Variants in FRMD6 observed in about 807,000 individuals in gnomAD.
FRMD6 encodes FERM domain containing 6, also known as FERM domain-containing protein 6.
In FRMD6, 37 loss-of-function variants were observed where a neutral mutation model predicts 73.2. The observed-to-expected ratio is 0.51, with a 90% CI of 0.39 to 0.66. The LOEUF (loss-of-function observed/expected upper bound fraction) is 0.66, where lower values mean the gene tolerates loss of function less well. Ranked by LOEUF, FRMD6 falls within the 30% of genes least tolerant of loss-of-function variation. FRMD6 has a pLI of 0.00. For synonymous variants in FRMD6, 273 were observed against 282.2 expected, an observed-to-expected ratio of 0.97 and a Z score of 0.33; for missense variants, 714 against 780.5, an observed-to-expected ratio of 0.91 and a Z score of 1.02.
chr14:51,538,577 G>C (rs1201892957), intron 1 of FRMD6, among the ~76,000 whole-genome samples: 1 of 151,972 alleles, frequency 6.6e-6, no homozygotes, highest in East Asian at 1.9e-4. Context: ...CTTTGTATTT[G>C]GTGTGAGATA....
chr14:51,701,219 C>A, intron 4 of FRMD6, 60 bp downstream of exon 4: 2 of 982,132 alleles, frequency 2.0e-6, no homozygotes, highest in Non-Finnish European at 3.0e-6. Context: ...TTTATTTTAG[C>A]TGTTATACAT....
intron 1 of FRMD6, among the ~76,000 whole-genome samples, chr14:51,562,334 T>G (rs1695738203): frequency 6.6e-6 from 1 of 152,178 alleles, no homozygotes; most frequent in African/African-American, 2.4e-5. Flanking sequence ...ACAATCTCTA[T>G]CTAGGAGGTC....
chr14:51,602,200 C>A (rs1890066186), intron 2 of FRMD6, among the ~76,000 whole-genome samples: 1 of 152,084 alleles, frequency 6.6e-6, no homozygotes, highest in East Asian at 1.9e-4. Context: ...AATTTTTGAA[C>A]ATATGGAACT....
At chr14:51,477,728 T>C in the FRMD6 span, among the ~76,000 whole-genome samples, 1 of 98,196 alleles carries the variant, frequency 1.0e-5, no homozygotes, top group East Asian at 3.4e-4. Flanking sequence ...CTTTCTTTCT[T>C]TTCTTTTTCT....
intron 1 of FRMD6, among the ~76,000 whole-genome samples, chr14:51,662,202 GT>G (rs890184836): frequency 1.3e-5 from 2 of 152,134 alleles, no homozygotes; most frequent in East Asian, 1.9e-4. Context: ...GTCTTAGATT[GT>G]TTTTTGATAC....
At chr14:51,544,545 A>AT (rs577269307) in intron 1 of FRMD6, among the ~76,000 whole-genome samples, 162 of 151,264 alleles carry the variant, frequency 1.1e-3, no homozygotes, top group Non-Finnish European at 1.8e-3. Context: ...TTCCTTTGAG[A>AT]TTTTTTTTTA....
At chr14:51,580,194 C>G (rs1259539500) in intron 2 of FRMD6, among the ~76,000 whole-genome samples, 2 of 152,026 alleles carry the variant, frequency 1.3e-5, no homozygotes, top group Non-Finnish European at 2.9e-5. Flanking sequence ...ATCTGGCTAC[C>G]TCTCGTGGAA....
chr14:51,487,615 T>A (rs897084588), upstream of FRMD6, among the ~76,000 whole-genome samples: 1 of 152,264 alleles, frequency 6.6e-6, no homozygotes, highest in Non-Finnish European at 1.5e-5. Flanking sequence ...TGGGGAGTTA[T>A]GCTTTGTACA....
intron 1 of FRMD6, chr14:51,546,484 T>A (rs1886472701): frequency 6.7e-6 from 1 of 149,116 alleles, no homozygotes; most frequent in African/African-American, 2.5e-5. Context: ...CTGATGCCAG[T>A]TTGGGAGAAT....
chr14:51,426,156 A>G, the FRMD6 span, among the ~76,000 whole-genome samples: 18 of 152,064 alleles, frequency 1.2e-4, no homozygotes, highest in African/African-American at 4.3e-4. Context: ...TGTCACCATT[A>G]CTGCTTGGTG....
In FRMD6 at chr14:51,617,268, T is replaced by G. The variant is rs557363639; in HGVS notation, c.-147+46858T>G. ...TGTATATGATAGCCTGGCAAAAAAG[T>G]GGCTCTGTCAGAGATTTTACTACTG... On this transcript the variant is annotated intron_variant, in intron 2 of 14. Coordinates refer to the FRMD6 transcript ENST00000356218. 5.3e-5 allele frequency among the ~76,000 whole-genome samples: 8 copies of G among 152,200 alleles called. No individual in the cohort carries two copies. The East Asian group carries it at 1.5e-3, about 29-fold the overall frequency.
Position 51,715,508 on chromosome 14 carries a change from G to A in FRMD6, c.1024+9G>A, listed in dbSNP as rs761621647. ...GCTGGAGGAAAACGAAGGTATTGCA[G>A]GGTCTGGGGTGTGGAAGCAAATTGT... is the stretch of plus-strand genomic sequence containing the variant. On this transcript the variant is annotated intron_variant, in intron 10 of 13. Coordinates refer to ENST00000344768, the MANE Select transcript of FRMD6 (RefSeq NM_001267046.2). 1.3e-5 allele frequency: 20 copies of A among 1,586,194 alleles called. No individual in the cohort carries two copies. Among genetic ancestry groups the A allele is most frequent in the Non-Finnish European group, 1.6e-5 (19 of 1,164,242 alleles).
chr14:51,643,666 A>T (rs970656917), intron 2 of FRMD6: 1 of 152,250 alleles, frequency 6.6e-6, no homozygotes, highest in Non-Finnish European at 1.5e-5. Context: ...CTAGGGGGAG[A>T]TGGTGACAGT....
the FRMD6 span, among the ~76,000 whole-genome samples, chr14:51,419,149 C>T: frequency 6.6e-6 from 1 of 152,182 alleles, no homozygotes; most frequent in Non-Finnish European, 1.5e-5. Context: ...TGAGGTGATG[C>T]CCCGCCCTGC....
chr14:51,494,035 C>T (rs1450430754), intron 1 of FRMD6, among the ~76,000 whole-genome samples: 2 of 152,114 alleles, frequency 1.3e-5, no homozygotes, highest in African/African-American at 4.8e-5. Context: ...TAAATAAGGG[C>T]ACTAATCCCA....
At chr14:51,712,449 T>C (rs1405578091) in intron 8 of FRMD6, 34 bp from the exon 9 acceptor site, 2 of 1,291,906 alleles carry the variant, frequency 1.5e-6, no homozygotes, top group Non-Finnish European at 2.2e-6. Flanking sequence ...CTATCATTTT[T>C]CCCATTAACT....
chr14:51,712,246 A>G (rs888894286), intron 8 of FRMD6, among the ~76,000 whole-genome samples: 1 of 152,224 alleles, frequency 6.6e-6, no homozygotes, highest in Non-Finnish European at 1.5e-5. Flanking sequence ...ATTTAGGCAT[A>G]CACCAGAAGG....
intron 2 of FRMD6, among the ~76,000 whole-genome samples, chr14:51,625,724 C>T (rs1362468840): frequency 6.6e-6 from 1 of 152,164 alleles, no homozygotes; most frequent in Non-Finnish European, 1.5e-5. Flanking sequence ...ATGTTCTTCC[C>T]TCTCTTCTCT....
the FRMD6 span, among the ~76,000 whole-genome samples, chr14:51,421,895 C>G: frequency 6.6e-6 from 1 of 152,154 alleles, no homozygotes. Context: ...GGCACTTGGC[C>G]CCACACCATC....
Sources: gnomAD v4.1 joint callset for allele counts (sites outside exome capture counted in the v4.1 genomes callset) on GRCh38, gnomAD v4.1.1 for gene constraint, MANE v1.5 for transcripts, NCBI Gene and HGNC (gene_info 2026-07-23, HGNC 2026-07-21) for gene names.